GABRG3: variants seen among roughly 807,000 people sequenced by gnomAD.
GABRG3 encodes gamma-aminobutyric acid type A receptor subunit gamma3.
GABRG3 carries 25 observed loss-of-function variants against 48.8 expected under a neutral mutation model. The observed-to-expected ratio is 0.51, with a 90% CI of 0.37 to 0.72. The LOEUF (loss-of-function observed/expected upper bound fraction) is 0.72. GABRG3 is among the 30% of genes least tolerant of loss of function. The probability of loss-of-function intolerance (pLI) is 0.00; values close to 1 mark genes in which losing one functional copy is unlikely to be tolerated. For missense variants in GABRG3, 394 were observed against 577.9 expected, an observed-to-expected ratio of 0.68 and a Z score of 3.26; for synonymous variants, 227 against 217.6, an observed-to-expected ratio of 1.04 and a Z score of -0.38.
At chr15:27,388,612 G>C (rs571762105) in intron 5 of GABRG3, among the ~76,000 whole-genome samples, 80 of 152,290 alleles carry the variant, frequency 5.3e-4, no homozygotes, top group African/African-American at 1.8e-3. Context: ...TCAAAGAGCT[G>C]TGGGGTGCTG....
intron 3 of GABRG3, among the ~76,000 whole-genome samples, chr15:27,032,053 T>A (rs377150809): frequency 1.3e-5 from 2 of 152,336 alleles, no homozygotes; most frequent in Non-Finnish European, 1.5e-5. Context: ...GTTACATGCT[T>A]CTCCCAGGTC....
chr15:27,293,472 G>A (rs1287163394), intron 3 of GABRG3, among the ~76,000 whole-genome samples: 1 of 151,810 alleles, frequency 6.6e-6, no homozygotes, highest in East Asian at 1.9e-4. Context: ...GCCAGGAGTT[G>A]GAGACCAGCC....
chr15:27,061,134 A>C (rs1346988525), intron 3 of GABRG3, among the ~76,000 whole-genome samples: 1 of 152,232 alleles, frequency 6.6e-6, no homozygotes, highest in African/African-American at 2.4e-5. Flanking sequence ...TTCTCCCAAT[A>C]AGGTAAACCT....
intron 3 of GABRG3, among the ~76,000 whole-genome samples, chr15:27,219,498 G>T (rs1425309431): frequency 6.6e-6 from 1 of 152,170 alleles, no homozygotes; most frequent in African/African-American, 2.4e-5. Context: ...ACCTGTGATG[G>T]GGCAGCTCAG....
intron 3 of GABRG3, among the ~76,000 whole-genome samples, chr15:27,156,298 C>CAAAAAAA (rs34055206): frequency 5.1e-5 from 4 of 78,108 alleles, no homozygotes; most frequent in Non-Finnish European, 9.6e-5. Flanking sequence ...CACTCTGTCT[C>CAAAAAAA]AAAAAAAAAA....
At chr15:27,343,095 C>T (rs1894245853) in intron 5 of GABRG3, among the ~76,000 whole-genome samples, 1 of 152,188 alleles carries the variant, frequency 6.6e-6, no homozygotes, top group Non-Finnish European at 1.5e-5. Context: ...GCTCCCCTGC[C>T]CTTCGCGGTG....
intron 2 of GABRG3, among the ~76,000 whole-genome samples, chr15:27,021,668 C>T (rs1273353733): frequency 6.6e-6 from 1 of 152,046 alleles, no homozygotes; most frequent in Non-Finnish European, 1.5e-5. Flanking sequence ...TAGCGAGACT[C>T]TATTTCTACA....
chr15:27,382,572 A>G (rs1188672679), intron 5 of GABRG3, among the ~76,000 whole-genome samples: 1 of 152,222 alleles, frequency 6.6e-6, no homozygotes, highest in Non-Finnish European at 1.5e-5. Context: ...GACTTGATTC[A>G]TGCTTTGAAA....
At chr15:27,321,906 G>T (rs555998536) in intron 3 of GABRG3, among the ~76,000 whole-genome samples, 18 of 152,316 alleles carry the variant, frequency 1.2e-4, no homozygotes, top group Admixed American at 7.8e-4. Context: ...GCGGTAATTC[G>T]TGGCTTATTT....
chr15:27,519,504 A>C (rs11634802), intron 6 of GABRG3, among the ~76,000 whole-genome samples: 3 of 152,014 alleles, frequency 2.0e-5, no homozygotes, highest in African/African-American at 7.2e-5. Context: ...CAAAACTTAA[A>C]GATATAAATA....
rs370747457 is a variant in GABRG3 at position 27,160,651 on chromosome 15, G to T, written c.270+133830G>T. 1.6e-4 allele frequency among the ~76,000 whole-genome samples: 24 copies of T among 151,362 alleles called. No homozygotes were observed. The East Asian group carries it at 3.5e-3, about 22-fold the overall frequency. On this transcript the variant is annotated intron_variant, in intron 3 of 9. Transcript: ENST00000615808. ...TACAGCATCCTCCTGTTATTTCAATGAACCAGTAACTTTTTTTTTTTCTTT... is the reference window on the plus strand; with the variant it reads ...TACAGCATCCTCCTGTTATTTCAATTAACCAGTAACTTTTTTTTTTTCTTT...
rs956461385 is a variant in GABRG3, at chr15:27,125,565, G to A, written c.270+98744G>A. 6.6e-5 allele frequency among the ~76,000 whole-genome samples: 10 copies of A among 152,244 alleles called. No homozygotes were observed. The East Asian group carries it at 7.7e-4, about 12-fold the overall frequency. ...GATTTGATAATTACATATTATATAC[G>A]TATATTGAAGTATCACTCTGTATTC... On this transcript the variant is annotated intron_variant, in intron 3 of 9. Coordinates refer to ENST00000615808, the MANE Select transcript of GABRG3 (RefSeq NM_033223.5).
intron 3 of GABRG3, among the ~76,000 whole-genome samples, chr15:27,044,950 A>G (rs972534131): frequency 2.0e-5 from 3 of 152,256 alleles, no homozygotes; most frequent in African/African-American, 7.2e-5. Flanking sequence ...TATTACACAC[A>G]GCTGGTATGG....
Position 27,533,541 on chromosome 15 carries a change from G to T in GABRG3, c.*660G>T, listed in dbSNP as rs1156728288. On this transcript the variant is annotated 3_prime_UTR_variant, in exon 10 of 10. Coordinates refer to ENST00000615808, the MANE Select transcript of GABRG3 (RefSeq NM_033223.5). ...AAAATAAGATTTTCAAAATGCTCAT[G>T]TTGTTGGGGTCAAAGATGATTATCT... 1 of 152,300 alleles carries T rather than the reference G, an allele frequency of 6.6e-6. No individual in the cohort carries two copies. Among genetic ancestry groups the T allele is most frequent in the Non-Finnish European group, 1.5e-5 (1 of 68,128 alleles). The allele number at this position is 152,300 out of a possible 1,614,324, so 9.4% of individuals were successfully genotyped here. A position where few individuals can be genotyped will look rare whatever the true frequency, so the allele number is the denominator to read the frequency against.
intron 4 of GABRG3, among the ~76,000 whole-genome samples, chr15:27,328,502 C>A (rs970829778): frequency 1.3e-5 from 2 of 152,242 alleles, no homozygotes; most frequent in Admixed American, 6.5e-5. Flanking sequence ...AGATTGAAAA[C>A]AACTTATAAA....
At chr15:27,459,915 A>G (rs1889397897) in intron 5 of GABRG3, among the ~76,000 whole-genome samples, 1 of 152,062 alleles carries the variant, frequency 6.6e-6, no homozygotes, top group Non-Finnish European at 1.5e-5. Flanking sequence ...ATTTATTTAT[A>G]GTCGCTTGTT....
chr15:27,501,896 C>G (rs1266821284), intron 6 of GABRG3, among the ~76,000 whole-genome samples: 2 of 152,062 alleles, frequency 1.3e-5, no homozygotes, highest in Non-Finnish European at 2.9e-5. Flanking sequence ...GAGACAATGA[C>G]AGCTTTTAGG....
At chr15:27,220,870 T>G (rs1889430404) in intron 3 of GABRG3, among the ~76,000 whole-genome samples, 1 of 152,140 alleles carries the variant, frequency 6.6e-6, no homozygotes, top group Admixed American at 6.5e-5. Flanking sequence ...CTCTGCCCTG[T>G]TTCATCATCT....
intron 3 of GABRG3, among the ~76,000 whole-genome samples, chr15:27,145,089 T>G (rs1386819942): frequency 6.6e-6 from 1 of 152,132 alleles, no homozygotes; most frequent in Non-Finnish European, 1.5e-5. Flanking sequence ...ATGTTCTGTT[T>G]CCAACCAACA....
Sources: gnomAD v4.1 joint callset for allele counts (sites outside exome capture counted in the v4.1 genomes callset) on GRCh38, gnomAD v4.1.1 for gene constraint, MANE v1.5 for transcripts, NCBI Gene and HGNC (gene_info 2026-07-23, HGNC 2026-07-21) for gene names.